THADA: variants seen among roughly 807,000 people sequenced by gnomAD.
The protein encoded by THADA is THADA armadillo repeat containing.
THADA carries 213 observed loss-of-function variants against 219.8 expected under a neutral mutation model. That is an observed-to-expected ratio of 0.97 (90% CI 0.87 to 1.09). The LOEUF is 1.09. THADA is among the 50% of genes least tolerant of loss of function. The probability of loss-of-function intolerance (pLI) is 0.00; values close to 1 mark genes in which losing one functional copy is unlikely to be tolerated. For missense variants in THADA, 2,956 were observed against 2,311.3 expected (o/e 1.28, Z -5.72); for synonymous variants, 1,018 against 828.9 (o/e 1.23, Z -3.92).
intron 20 of THADA, among the ~76,000 whole-genome samples, chr2:43,545,662 G>C (rs1229935804): frequency 6.6e-6 from 1 of 152,158 alleles, no homozygotes; most frequent in African/African-American, 2.4e-5. Flanking sequence ...TATTTGCGTA[G>C]AAGTGTTTGT....
Position 43,552,315 on chromosome 2 carries a change from A to G in THADA, c.2699T>C (p.Leu900Pro). 1 of 1,596,054 alleles carries G rather than the reference A, an allele frequency of 6.3e-7. No homozygotes were observed. The highest frequency in any genetic ancestry group is 8.5e-7 in the Non-Finnish European group (1 of 1,175,402). Residue 900 changes from leucine to proline, a missense_variant, in exon 18 of 38, where the codon CTT (leucine) becomes CCT (proline). Coordinates refer to ENST00000405975, the MANE Select transcript of THADA (RefSeq NM_022065.5). ...LMVIKCLMENLEEEVSQAENS... is the reference protein window; with the variant it reads ...LMVIKCLMENPEEEVSQAENS... The stretch of plus-strand genomic sequence containing the variant: ...TTCAGCCTGAGATACTTCTTCCTCA[A>G]GATTTTCCATCAAGCATTTGATAAC...
At chr2:43,465,058 T>C (rs766511311) in intron 26 of THADA, among the ~76,000 whole-genome samples, 14 of 152,178 alleles carry the variant, frequency 9.2e-5, no homozygotes, top group African/African-American at 1.4e-4. Context: ...TCCTCTTGTT[T>C]TCCCTGCTTC....
chr2:43,528,035 G>T, intron 21 of THADA, 47 bp from the exon 22 acceptor site: 1 of 1,421,390 alleles, frequency 7.0e-7, no homozygotes. Context: ...GTTTACATTC[G>T]CAAGTGTATT....
At chr2:43,431,081 T>C (rs1265803941) in intron 26 of THADA, among the ~76,000 whole-genome samples, 3 of 152,340 alleles carry the variant, frequency 2.0e-5, no homozygotes, top group Middle Eastern at 3.4e-3. Context: ...AAGCTAAATA[T>C]GGCATTTAGG....
At chr2:43,432,098 C>T (rs1052323199) in intron 26 of THADA, among the ~76,000 whole-genome samples, 10 of 137,694 alleles carry the variant, frequency 7.3e-5, no homozygotes, top group South Asian at 7.0e-4. Flanking sequence ...CCTCGTGATC[C>T]GCCCGCCTCG....
chr2:43,504,257 T>G (rs1329718873), intron 24 of THADA, among the ~76,000 whole-genome samples: 1 of 152,188 alleles, frequency 6.6e-6, no homozygotes, highest in African/African-American at 2.4e-5. Flanking sequence ...TCAGTCAATT[T>G]TTTAAAGAAA....
intron 13 of THADA, 142 bp from the exon 14 acceptor site, chr2:43,570,652 T>C: frequency 1.1e-6 from 1 of 901,664 alleles, no homozygotes; most frequent in African/African-American, 1.7e-5. Flanking sequence ...ATGTTTCTTT[T>C]TGACAGAAAA....
chr2:43,264,430 C>T (rs1007079671), intron 36 of THADA, among the ~76,000 whole-genome samples: 1 of 151,996 alleles, frequency 6.6e-6, no homozygotes, highest in Non-Finnish European at 1.5e-5. Flanking sequence ...GGATTACAGG[C>T]ATGCACTACC....
intron 36 of THADA, among the ~76,000 whole-genome samples, chr2:43,238,105 C>CAAGATTCCA (rs1267865456): frequency 1.6e-4 from 9 of 56,444 alleles, no homozygotes; most frequent in African/African-American, 6.0e-4. Context: ...GATGACAGAG[C>CAAGATTCCA]AAGATTCCAT....
intron 24 of THADA, among the ~76,000 whole-genome samples, chr2:43,505,169 A>G (rs970094940): frequency 6.6e-6 from 1 of 152,230 alleles, no homozygotes; most frequent in Non-Finnish European, 1.5e-5. Context: ...ATGAAATTCT[A>G]AAGTGCTAGC....
intron 28 of THADA, among the ~76,000 whole-genome samples, chr2:43,411,278 G>C (rs191073847): frequency 5.8e-4 from 89 of 152,302 alleles, no homozygotes; most frequent in African/African-American, 2.0e-3. Context: ...GCAAAAATGA[G>C]TGTTCCCCAT....
At chr2:43,428,850 G>C (rs1678859798) in intron 27 of THADA, among the ~76,000 whole-genome samples, 1 of 152,074 alleles carries the variant, frequency 6.6e-6, no homozygotes, top group Admixed American at 6.5e-5. Context: ...TCCACAGTAT[G>C]AAATGTGAAA....
intron 20 of THADA, among the ~76,000 whole-genome samples, chr2:43,541,716 C>G (rs928101916): frequency 6.6e-6 from 1 of 152,028 alleles, no homozygotes; most frequent in Non-Finnish European, 1.5e-5. Flanking sequence ...CACCACATCA[C>G]CTCCTGGACT....
At chr2:43,459,174 C>T (rs1242756813) in intron 26 of THADA, among the ~76,000 whole-genome samples, 1 of 152,156 alleles carries the variant, frequency 6.6e-6, no homozygotes, top group Admixed American at 6.5e-5. Context: ...CTGACAAGGT[C>T]CCCAGCTCAC....
chr2:43,518,323 T>A (rs1050382723), intron 22 of THADA, among the ~76,000 whole-genome samples: 1 of 152,210 alleles, frequency 6.6e-6, no homozygotes, highest in African/African-American at 2.4e-5. Flanking sequence ...TGTTTTCCAA[T>A]GAGAAGTGCC....
At chr2:43,462,588 C>T (rs896080535) in intron 26 of THADA, among the ~76,000 whole-genome samples, 1 of 152,092 alleles carries the variant, frequency 6.6e-6, no homozygotes, top group African/African-American at 2.4e-5. Flanking sequence ...ATGATTAGGG[C>T]AACATTTAAT....
At chr2:43,449,976 T>C (rs1401806147) in intron 26 of THADA, among the ~76,000 whole-genome samples, 1 of 151,964 alleles carries the variant, frequency 6.6e-6, no homozygotes, top group Non-Finnish European at 1.5e-5. Flanking sequence ...CCCAGATAAA[T>C]AAAAACTAAG....
chr2:43,559,445 A>C (rs1697793388), intron 16 of THADA, among the ~76,000 whole-genome samples: 1 of 152,190 alleles, frequency 6.6e-6, no homozygotes, highest in Admixed American at 6.5e-5. Context: ...CAGCTGAACA[A>C]CCACAGCCTA....
chr2:43,242,615 C>A (rs984723948), intron 36 of THADA, among the ~76,000 whole-genome samples: 2 of 152,156 alleles, frequency 1.3e-5, no homozygotes, highest in African/African-American at 4.8e-5. Flanking sequence ...CTTAGCCTCC[C>A]AAGTAGCTAA....
Sources: gnomAD v4.1 joint callset for allele counts (sites outside exome capture counted in the v4.1 genomes callset) on GRCh38, gnomAD v4.1.1 for gene constraint, MANE v1.5 for transcripts, NCBI Gene and HGNC (gene_info 2026-07-23, HGNC 2026-07-21) for gene names.